The following TRPS1 variants were observed in gnomAD, a reference collection of about 807,000 sequenced individuals.
The protein encoded by TRPS1 is transcriptional repressor GATA binding 1.
In TRPS1, 6 loss-of-function variants were observed where a neutral mutation model predicts 101.2. That is an observed-to-expected ratio of 0.06 (90% confidence interval 0.03 to 0.12). The LOEUF (loss-of-function observed/expected upper bound fraction) is 0.12. Among genes scored for constraint, TRPS1 ranks in the 10% least tolerant of loss-of-function variants. The pLI is 1.00. For synonymous variants in TRPS1, 578 were observed against 589.8 expected (o/e 0.98, Z 0.29); for missense variants, 1,363 against 1,567.0 (o/e 0.87, Z 2.20).
intron 5 of TRPS1, among the ~76,000 whole-genome samples, chr8:115,433,492 T>C (rs1813372553): frequency 6.6e-6 from 1 of 152,066 alleles, no homozygotes; most frequent in South Asian, 2.1e-4. Context: ...TCTCTCTTAA[T>C]GGTAAAAGCA....
At chr8:115,599,132 A>G (rs1255814387) in intron 4 of TRPS1, among the ~76,000 whole-genome samples, 5 of 152,018 alleles carry the variant, frequency 3.3e-5, no homozygotes, top group Admixed American at 6.6e-5. Flanking sequence ...ATTATATTCC[A>G]TATCTTACTA....
At chr8:115,646,011 A>G (rs1819017301) in intron 1 of TRPS1, among the ~76,000 whole-genome samples, 1 of 152,196 alleles carries the variant, frequency 6.6e-6, no homozygotes. Flanking sequence ...TAAATATCCT[A>G]AATATAATTG....
chr8:115,453,294 C>T (rs1379330000), intron 5 of TRPS1, among the ~76,000 whole-genome samples: 1 of 152,156 alleles, frequency 6.6e-6, no homozygotes, highest in Non-Finnish European at 1.5e-5. Flanking sequence ...GCTGGGATTA[C>T]AGGTGTGAGC....
chr8:115,594,396 A>G (rs939218321), intron 4 of TRPS1, among the ~76,000 whole-genome samples: 1 of 152,118 alleles, frequency 6.6e-6, no homozygotes, highest in Non-Finnish European at 1.5e-5. Context: ...TTTAAATTTC[A>G]GATAATAAAT....
At position 115,644,687 on chromosome 8, in the gene TRPS1, CT is replaced by C. The variant is rs1014979244; in HGVS notation, c.-121-20930del. Among the ~76,000 whole-genome samples, 214 of 152,334 alleles carry C rather than the reference CT, an allele frequency of 1.4e-3. 1 individual carries two copies. The highest frequency in any genetic ancestry group is 5.0e-3 in the African/African-American group (206 of 41,584). On this transcript the variant is annotated intron_variant, in intron 1 of 6. Transcript: ENST00000395715. The stretch of plus-strand genomic sequence containing the variant: ...GTGGCACAAGAGGCCTAGTTTTTGG[CT>C]TCTCTCTTTTTCAGCATGCCTTCCT...
intron 5 of TRPS1, among the ~76,000 whole-genome samples, chr8:115,439,737 T>C (rs1813543980): frequency 6.6e-6 from 1 of 152,188 alleles, no homozygotes; most frequent in South Asian, 2.1e-4. Flanking sequence ...TGCAGTGTTA[T>C]GACATGCAAG....
Position 115,414,357 on chromosome 8 carries a change from G to A in TRPS1, c.3551C>T (p.Ser1184Phe). The A allele has an allele frequency of 6.2e-7, 1 of 1,613,960 alleles. No homozygotes were observed. Among genetic ancestry groups the A allele is most frequent in the Non-Finnish European group, 8.5e-7 (1 of 1,179,956 alleles). ...ACCGTTTGCAGTTGGCCCAGGTCTG[G>A]AATGCTTGATCGCCAAATCTAGAGG... ...DIPLDLAIKH[S>F]RPGPTANGAS... The change falls in exon 7 of 7, where the codon TCC becomes TTC. Residue 1184 changes from serine (S) to phenylalanine (F), a missense_variant. Coordinates refer to ENST00000395715, the MANE Select transcript of TRPS1 (RefSeq NM_014112.5). This position sits in a 1 kb window ranked among gnomAD's most constrained non-coding sequence, Gnocchi z 4.8.
chr8:115,456,990 A>T (rs1253374702), intron 5 of TRPS1, among the ~76,000 whole-genome samples: 1 of 152,168 alleles, frequency 6.6e-6, no homozygotes, highest in Non-Finnish European at 1.5e-5. Flanking sequence ...CTGAGGGCCT[A>T]TGAGCTAAGG....
Position 115,619,327 on chromosome 8 carries a change from T to C in TRPS1, c.771A>G (p.Arg257=). Residue 257 remains arginine (R), a synonymous_variant, in exon 3 of 7, where the codon CGA becomes CGG. Transcript: ENST00000395715. The stretch of plus-strand genomic sequence containing the variant: ...GGTTATGCAGTCCTAAGTGATACTT[T>C]CGGAAGTGCTTAATCAGATCTGTGG... ...NDPTDLIKHF[R]KYHLGLHNRT... is the part of the protein sequence containing the mutation. 6.2e-7 allele frequency: 1 copy of C among 1,614,196 alleles called. No individual in the cohort carries two copies. The highest frequency in any genetic ancestry group is 2.2e-5 in the East Asian group (1 of 44,882).
At chr8:115,592,770 T>C (rs1817703949) in intron 4 of TRPS1, among the ~76,000 whole-genome samples, 1 of 152,162 alleles carries the variant, frequency 6.6e-6, no homozygotes, top group South Asian at 2.1e-4. Flanking sequence ...GCTGGAAGAA[T>C]AGGGTAGAAT....
intron 5 of TRPS1, among the ~76,000 whole-genome samples, chr8:115,504,989 T>G (rs764218898): frequency 6.6e-6 from 1 of 152,104 alleles, no homozygotes; most frequent in Non-Finnish European, 1.5e-5. Flanking sequence ...TATCTTCATA[T>G]TCATATAGAG....
intron 1 of TRPS1, among the ~76,000 whole-genome samples, chr8:115,663,593 T>C (rs1811855988): frequency 6.6e-6 from 1 of 151,904 alleles, no homozygotes; most frequent in South Asian, 2.1e-4. Context: ...TTGGGGTGTC[T>C]TAATGTTATA....
chr8:115,580,711 G>T (rs975249501), intron 5 of TRPS1, among the ~76,000 whole-genome samples: 28 of 152,148 alleles, frequency 1.8e-4, no homozygotes, highest in Non-Finnish European at 3.7e-4. Context: ...AGAAACCTGG[G>T]CCAGCAGAAC....
intron 1 of TRPS1, among the ~76,000 whole-genome samples, chr8:115,630,167 A>G (rs1386745854): frequency 6.6e-6 from 1 of 151,966 alleles, no homozygotes; most frequent in African/African-American, 2.4e-5. Flanking sequence ...GATGACCACA[A>G]GTTCCTTCTG....
At position 115,513,273 on chromosome 8, in the gene TRPS1, G is replaced by A. The variant is rs193142306; in HGVS notation, c.2700+73728C>T. ...CAAAATCCCAAACTGCAGCAGAAGG[G>A]AGAATGATTGGTGTTTCTTCTTGCA... On this transcript the variant is annotated intron_variant, in intron 5 of 6. Coordinates refer to ENST00000395715, the MANE Select transcript of TRPS1 (RefSeq NM_014112.5). 4.9e-3 allele frequency among the ~76,000 whole-genome samples: 747 copies of A among 151,752 alleles called. 3 individuals are homozygous for A. Among genetic ancestry groups the A allele is most frequent in the Non-Finnish European group, 6.3e-3 (429 of 67,756 alleles).
chr8:115,448,156 C>T (rs1813783542), intron 5 of TRPS1, among the ~76,000 whole-genome samples: 1 of 152,146 alleles, frequency 6.6e-6, no homozygotes, highest in Admixed American at 6.5e-5. Context: ...TCTTAGCCAT[C>T]CTCCAAATCT....
At chr8:115,600,298 C>T (rs950386014) in intron 4 of TRPS1, among the ~76,000 whole-genome samples, 2 of 152,124 alleles carry the variant, frequency 1.3e-5, no homozygotes, top group African/African-American at 4.8e-5. Flanking sequence ...TGATTTCACA[C>T]ATGATGGCTT....
chr8:115,524,898 A>G (rs1451209483), intron 5 of TRPS1, among the ~76,000 whole-genome samples: 1 of 152,180 alleles, frequency 6.6e-6, no homozygotes, highest in Admixed American at 6.5e-5. Flanking sequence ...TAACACTATA[A>G]TAGTGGTTAT....
intron 5 of TRPS1, among the ~76,000 whole-genome samples, chr8:115,453,008 G>C (rs980421860): frequency 6.6e-6 from 1 of 151,862 alleles, no homozygotes; most frequent in South Asian, 2.1e-4. Context: ...AAATAATTTT[G>C]CTTGTCCTCC....
Sources: allele counts gnomAD v4.1 joint callset (sites outside exome capture counted in the v4.1 genomes callset), GRCh38; gene constraint gnomAD v4.1.1; non-coding constraint Gnocchi (gnomAD v3.1); transcripts MANE v1.5; gene names NCBI Gene and HGNC (gene_info 2026-07-23, HGNC 2026-07-21).